LSAMP: variants seen among roughly 807,000 people sequenced by gnomAD.
The protein encoded by LSAMP is limbic system-associated membrane protein.
A neutral mutation model predicts 38.6 loss-of-function variants in LSAMP; 7 were observed. The observed-to-expected ratio is 0.18, with a 90% confidence interval of 0.10 to 0.34. LSAMP has a LOEUF of 0.34. Ranked by LOEUF, LSAMP falls within the 10% of genes least tolerant of loss-of-function variation. The pLI is 1.00. For missense variants in LSAMP, 313 were observed against 420.0 expected, an observed-to-expected ratio of 0.75 and a Z score of 2.23; for synonymous variants, 154 against 166.8, an observed-to-expected ratio of 0.92 and a Z score of 0.59.
chr3:115,920,079 A>G (rs1937347466), intron 3 of LSAMP, among the ~76,000 whole-genome samples: 1 of 152,134 alleles, frequency 6.6e-6, no homozygotes, highest in African/African-American at 2.4e-5. Context: ...CATTTTTCTT[A>G]TCCTTTCAAT....
At chr3:115,892,815 T>C (rs1936634289) in intron 3 of LSAMP, among the ~76,000 whole-genome samples, 1 of 149,412 alleles carries the variant, frequency 6.7e-6, no homozygotes, top group Admixed American at 6.7e-5. Context: ...AGTATGCATA[T>C]AATATACATC....
intron 1 of LSAMP, among the ~76,000 whole-genome samples, chr3:116,297,980 T>C (rs2047358189): frequency 6.6e-6 from 1 of 152,182 alleles, no homozygotes; most frequent in African/African-American, 2.4e-5. Context: ...GCTTCTTGGC[T>C]CTATCTCCTT....
chr3:116,166,787 G>GTTTTTT (rs35340943), intron 1 of LSAMP, among the ~76,000 whole-genome samples: 3 of 118,810 alleles, frequency 2.5e-5, no homozygotes, highest in Non-Finnish European at 5.3e-5. Context: ...TTTTTTTTTT[G>GTTTTTT]TTTTTTTTTT....
At chr3:115,984,105 C>T (rs1049550381) in intron 3 of LSAMP, among the ~76,000 whole-genome samples, 1 of 151,938 alleles carries the variant, frequency 6.6e-6, no homozygotes, top group African/African-American at 2.4e-5. Flanking sequence ...AAAAACAGTT[C>T]AAGAGATATT....
intron 3 of LSAMP, among the ~76,000 whole-genome samples, chr3:115,857,097 T>C (rs1326500179): frequency 1.3e-5 from 2 of 152,234 alleles, no homozygotes; most frequent in Admixed American, 6.5e-5. Context: ...TCTCTGGCCA[T>C]GTCCTGAGGA....
intron 1 of LSAMP, among the ~76,000 whole-genome samples, chr3:116,186,844 T>C (rs889668987): frequency 1.3e-5 from 2 of 152,148 alleles, no homozygotes; most frequent in Admixed American, 1.3e-4. Flanking sequence ...CAACTGGATA[T>C]TATACTTGAA....
At chr3:115,811,714 A>C (rs2030108497) in intron 6 of LSAMP, among the ~76,000 whole-genome samples, 2 of 152,190 alleles carry the variant, frequency 1.3e-5, no homozygotes, top group Admixed American at 6.5e-5. Flanking sequence ...TGGTCTCCTA[A>C]TCTATGCTTT....
intron 3 of LSAMP, among the ~76,000 whole-genome samples, chr3:116,000,926 G>T (rs776948423): frequency 1.3e-5 from 2 of 152,070 alleles, no homozygotes; most frequent in Non-Finnish European, 2.9e-5. Context: ...CTGTTGTCAT[G>T]GTGTTTCAAA....
intron 6 of LSAMP, among the ~76,000 whole-genome samples, chr3:115,812,805 G>A (rs944641473): frequency 3.3e-5 from 5 of 152,178 alleles, no homozygotes; most frequent in African/African-American, 7.2e-5. Context: ...TGCAAGGACA[G>A]GCTAGTTTAT....
rs770212008 is a variant in LSAMP, at chr3:116,162,626, TGTGA to T, written c.156-76074_156-76071del. On this transcript the variant is annotated intron_variant, in intron 1 of 6. Coordinates refer to ENST00000490035, the MANE Select transcript of LSAMP (RefSeq NM_002338.5). ...TGAATGTGTATGTTTTATATGTGCG[TGTGA>T]GTGTGTGTGTACATTATATATATAT... Among the ~76,000 whole-genome samples, 188 of 151,446 alleles carry T rather than the reference TGTGA, an allele frequency of 1.2e-3. 1 individual carries two copies. The highest frequency in any genetic ancestry group is 2.7e-3 in the African/African-American group (111 of 40,850).
chr3:116,029,349 A>G (rs940110705), intron 2 of LSAMP, among the ~76,000 whole-genome samples: 7 of 152,138 alleles, frequency 4.6e-5, no homozygotes, highest in African/African-American at 1.7e-4. Flanking sequence ...ATTTAGACAC[A>G]AATTTCATGG....
intron 1 of LSAMP, among the ~76,000 whole-genome samples, chr3:116,164,133 G>GTT (rs1183797340): frequency 6.6e-6 from 1 of 152,098 alleles, no homozygotes; most frequent in Non-Finnish European, 1.5e-5. Context: ...CAAATATTGG[G>GTT]TAATAGTGCT....
At chr3:116,277,514 C>T (rs2047071879) in intron 1 of LSAMP, among the ~76,000 whole-genome samples, 1 of 151,966 alleles carries the variant, frequency 6.6e-6, no homozygotes, top group African/African-American at 2.4e-5. Context: ...GGACCACAGG[C>T]GCCCACCACC....
chr3:116,351,576 C>T (rs1395629019), intron 1 of LSAMP, among the ~76,000 whole-genome samples: 1 of 152,026 alleles, frequency 6.6e-6, no homozygotes, highest in African/African-American at 2.4e-5. Flanking sequence ...AGTAAGAGCT[C>T]ATCAGCCTGG....
intron 6 of LSAMP, among the ~76,000 whole-genome samples, chr3:115,818,312 G>A (rs2107459970): frequency 6.6e-6 from 1 of 152,230 alleles, no homozygotes; most frequent in East Asian, 1.9e-4. Flanking sequence ...TAAGGCCACA[G>A]AGCGATGCTC....
rs1260152406 is a variant in LSAMP at position 115,806,383 on chromosome 3, A to G, written c.*3934T>C. 1 of 152,196 alleles carries G rather than the reference A, an allele frequency of 6.6e-6. No individual in the cohort carries two copies. The highest frequency in any genetic ancestry group is 1.5e-5 in the Non-Finnish European group (1 of 68,026). 9.4% of individuals were successfully genotyped at this position (152,196 alleles called of 1,614,324 possible). On this transcript the variant is annotated 3_prime_UTR_variant, in exon 7 of 7. Coordinates refer to ENST00000490035, the MANE Select transcript of LSAMP (RefSeq NM_002338.5). Reference sequence around the variant, plus strand: ...ATAATTCGAGCCCTGCAAAGAACAAAATGAAAAATTCAGGGAGAATAGCCA... The same window carrying G: ...ATAATTCGAGCCCTGCAAAGAACAAGATGAAAAATTCAGGGAGAATAGCCA...
chr3:116,098,891 T>A (rs1482964797), intron 1 of LSAMP, among the ~76,000 whole-genome samples: 1 of 152,044 alleles, frequency 6.6e-6, no homozygotes, highest in Non-Finnish European at 1.5e-5. Flanking sequence ...AGCTGATGAG[T>A]TTGAAATGAA....
At position 115,804,642 on chromosome 3, in the gene LSAMP, C is replaced by T. The variant is rs1370625073; in HGVS notation, c.*5675G>A. ...CATTTAAAGCCTGAAGTTAATTTGACCTAAAATTTTTATAAGTCTTTGCAG... is the reference window on the plus strand; with the variant it reads ...CATTTAAAGCCTGAAGTTAATTTGATCTAAAATTTTTATAAGTCTTTGCAG... On this transcript the variant is annotated 3_prime_UTR_variant, in exon 7 of 7. Transcript: ENST00000490035. The T allele has an allele frequency of 6.6e-6, 1 of 151,904 alleles. No individual in the cohort carries two copies. The highest frequency in any genetic ancestry group is 1.9e-4 in the East Asian group (1 of 5,196). 9.4% of individuals were successfully genotyped at this position (151,904 alleles called of 1,614,324 possible).
At chr3:115,834,279 T>C (rs953599463) in intron 6 of LSAMP, among the ~76,000 whole-genome samples, 2 of 152,106 alleles carry the variant, frequency 1.3e-5, no homozygotes, top group African/African-American at 2.4e-5. Context: ...TAGTTCCTTG[T>C]AATAAATATT....
Sources: gnomAD v4.1 joint callset for allele counts (sites outside exome capture counted in the v4.1 genomes callset) on GRCh38, gnomAD v4.1.1 for gene constraint, MANE v1.5 for transcripts, NCBI Gene and HGNC (gene_info 2026-07-23, HGNC 2026-07-21) for gene names.